Variants in THBS1 observed in about 807,000 individuals in gnomAD.
THBS1 encodes thrombospondin-1.
A neutral mutation model predicts 126.1 loss-of-function variants in THBS1; 29 were observed. The observed-to-expected ratio is 0.23, with a 90% confidence interval of 0.17 to 0.31. The LOEUF is 0.31. Among genes scored for constraint, THBS1 ranks in the 10% least tolerant of loss-of-function variants. The pLI, the probability that THBS1 is intolerant of heterozygous loss-of-function variation, is 1.00. For missense variants in THBS1, 1,198 were observed against 1,545.2 expected (o/e 0.78, Z 3.77); for synonymous variants, 496 against 577.8 (o/e 0.86, Z 2.03).
In THBS1 at chr15:39,589,360, G is replaced by A. The variant is rs376121997; in HGVS notation, c.1926+6G>A. 9.5e-5 allele frequency: 153 copies of A among 1,613,716 alleles called. No individual in the cohort carries two copies. The highest frequency in any genetic ancestry group is 1.3e-4 in the Non-Finnish European group (149 of 1,180,002). On this transcript the variant is annotated splice_donor_region_variant and intron_variant, in intron 12 of 21. Transcript: ENST00000260356. The surrounding 1 kb of genome is among the most constrained non-coding windows in gnomAD (Gnocchi z 4.7). ...ATGCCACGGCCAACAAACAGGTACA[G>A]TCAACTAGACGAGTAAACCAGAGGA...
At chr15:39,588,732 G>A (rs1196067285) in intron 10 of THBS1, 33 bp downstream of exon 10, 1 of 1,551,828 alleles carries the variant, frequency 6.4e-7, no homozygotes, top group Non-Finnish European at 8.7e-7. Context: ...AAACGACCCA[G>A]GAGCTTTGCT....
intron 6 of THBS1, among the ~76,000 whole-genome samples, 163 bp from the exon 7 acceptor site, chr15:39,585,307 T>A (rs1890189506): frequency 6.6e-6 from 1 of 152,180 alleles, no homozygotes. Context: ...TCTACGATAG[T>A]GGTGGCTGCA....
At chr15:39,587,811 A>C (rs1273825734) in intron 8 of THBS1, among the ~76,000 whole-genome samples, 2 of 152,222 alleles carry the variant, frequency 1.3e-5, no homozygotes, top group Non-Finnish European at 2.9e-5. Context: ...GCACCCTGTA[A>C]ATGTTAGGAT....
chr15:39,582,122 C>T, intron 2 of THBS1, 71 bp from the exon 3 acceptor site: 3 of 1,500,584 alleles, frequency 2.0e-6, no homozygotes, highest in Non-Finnish European at 2.7e-6. Context: ...TGTCTCCACC[C>T]CTAAGGACTC....
In THBS1 at chr15:39,597,281, T is replaced by TTTTTTTTTTTTTTTTTTTTTG. The variant is rs1890482853; in HGVS notation, c.*1913_*1933dup. 1.8e-5 allele frequency: 2 copies of TTTTTTTTTTTTTTTTTTTTTG among 111,222 alleles called. No individual in the cohort carries two copies. Among genetic ancestry groups the TTTTTTTTTTTTTTTTTTTTTG allele is most frequent in the African/African-American group, 4.8e-5 (1 of 20,754 alleles). The allele number at this position is 111,222 out of a possible 1,614,324, so 6.9% of individuals were successfully genotyped here. A position where few individuals can be genotyped will look rare whatever the true frequency, so the allele number is the denominator to read the frequency against. On this transcript the variant is annotated 3_prime_UTR_variant, in exon 22 of 22. Transcript: ENST00000260356. ...TTGGTTTTTTCTTTTTTTTGTTTTG[T>TTTTTTTTTTTTTTTTTTTTTG]TTTTTTTTTTTTTTTTTTTTGCTTT...
At position 39,584,163 on chromosome 15, in the gene THBS1, G is replaced by A. The variant is rs138472842; in HGVS notation, c.879G>A (p.Thr293=). ...ELRGLRTIVT[T]LQDSIRKVTE... is the part of the protein sequence containing the mutation. ...GGGGCCTGCGCACCATTGTGACCAC[G>A]CTGCAGGACAGCATCCGCAAAGTGG... The change falls in exon 5 of 22, where the codon ACG becomes ACA. Residue 293 remains threonine (T), a synonymous_variant. Transcript: ENST00000260356. The A allele has an allele frequency of 3.3e-5, 54 of 1,614,024 alleles. No individual in the cohort carries two copies. The highest frequency in any genetic ancestry group is 2.7e-4 in the African/African-American group (20 of 74,928).
chr15:39,585,230 A>C (rs1045963183), intron 6 of THBS1, among the ~76,000 whole-genome samples: 2 of 152,214 alleles, frequency 1.3e-5, no homozygotes, highest in African/African-American at 2.4e-5. Flanking sequence ...TCCACCCTTG[A>C]CTAAGTAGCA....
chr15:39,583,686 T>A lies in THBS1; in HGVS notation c.697T>A (p.Ser233Thr). Residue 233 changes from serine (S) to threonine (T), a missense_variant, in exon 4 of 22, where the codon TCC (serine) becomes ACC (threonine). Ser to Thr is a moderately conservative substitution (Grantham distance 58). Coordinates refer to ENST00000260356, the MANE Select transcript of THBS1 (RefSeq NM_003246.4). Reference protein sequence around the residue: ...PEDILRNKGCSSSTSVLLTLD... With the variant: ...PEDILRNKGCTSSTSVLLTLD... Reference sequence around the variant, plus strand: ...AGACATCCTCAGGAACAAAGGCTGCTCCAGCTGTGAGTACCCCTCTATTTT... The same window carrying A: ...AGACATCCTCAGGAACAAAGGCTGCACCAGCTGTGAGTACCCCTCTATTTT... 6.2e-7 allele frequency: 1 copy of A among 1,613,862 alleles called. No homozygotes were observed. The highest frequency in any genetic ancestry group is 1.3e-5 in the African/African-American group (1 of 74,990).
chr15:39,591,380 G>A (rs200138456), intron 15 of THBS1, 30 bp downstream of exon 15: 81 of 1,601,302 alleles, frequency 5.1e-5, no homozygotes, highest in Admixed American at 3.4e-4. Context: ...GAGGGCCCGC[G>A]GGAGACAGGG....
intron 9 of THBS1, 77 bp downstream of exon 9, chr15:39,588,295 C>T: frequency 6.6e-7 from 1 of 1,524,950 alleles, no homozygotes; most frequent in Non-Finnish European, 8.8e-7. Flanking sequence ...CTGCAGCCTG[C>T]AGTTCAGTGG....
intron 13 of THBS1, 140 bp downstream of exon 13, chr15:39,590,163 CT>C: frequency 1.2e-6 from 1 of 855,236 alleles, no homozygotes. Flanking sequence ...GCACTAATTC[CT>C]ATTAAAATTA....
In THBS1 at chr15:39,594,019, G is replaced by A; in HGVS notation, c.3268-80G>A. 7.0e-7 allele frequency: 1 copy of A among 1,427,720 alleles called. No individual in the cohort carries two copies. The highest frequency in any genetic ancestry group is 9.6e-7 in the Non-Finnish European group (1 of 1,045,318). 88.4% of individuals were successfully genotyped at this position (1,427,720 alleles called of 1,614,324 possible). On this transcript the variant is annotated intron_variant, in intron 19 of 21. Coordinates refer to ENST00000260356, the MANE Select transcript of THBS1 (RefSeq NM_003246.4). This position sits in a 1 kb window ranked among gnomAD's most constrained non-coding sequence, Gnocchi z 4.4. ...CTTAGATCAGCTCAGTACCTTTCAA[G>A]CATTGTTTCTGATGGAATGAAATAG...
chr15:39,588,252 G>A (rs1257377389), intron 9 of THBS1, 34 bp downstream of exon 9: 12 of 1,602,448 alleles, frequency 7.5e-6, no homozygotes, highest in East Asian at 4.5e-5. Flanking sequence ...GGTGAGCATG[G>A]GCAGCAGCTC....
chr15:39,582,575 C>T lies in THBS1; in HGVS notation c.450C>T (p.Thr150=), dbSNP rs1346275122. ...CTGTGGAAGAAGCTCTCCTGGCAACCGGCCAGTGGAAGAGCATCACCCTGT... is the reference window on the plus strand; with the variant it reads ...CTGTGGAAGAAGCTCTCCTGGCAACTGGCCAGTGGAAGAGCATCACCCTGT... ...VVSVEEALLA[T]GQWKSITLFV... The change falls in exon 3 of 22, where the codon ACC becomes ACT. Residue 150 remains threonine (T), a synonymous_variant. Transcript: ENST00000260356. 32 of 1,613,990 alleles carry T rather than the reference C, an allele frequency of 2.0e-5. No homozygotes were observed. The highest frequency in any genetic ancestry group is 1.5e-4 in the African/African-American group (11 of 74,928).
Position 39,588,631 on chromosome 15 carries a change from T to G in THBS1, c.1577T>G (p.Phe526Cys). ...SRLCNNPTPQ[F>C]GGKDCVGDVT... The stretch of plus-strand genomic sequence containing the variant: ...CTCTGCAACAACCCCACACCCCAGT[T>G]TGGAGGCAAGGACTGCGTTGGTGAT... Residue 526 changes from phenylalanine (F) to cysteine (C), a missense_variant, in exon 10 of 22, where the codon TTT becomes TGT. Physicochemically the swap from Phe to Cys is radical, Grantham distance 205. This residue lies in a region of THBS1 where 663 missense variants were observed against 860.1 expected (regional missense o/e 0.77). Coordinates refer to ENST00000260356, the MANE Select transcript of THBS1 (RefSeq NM_003246.4). 1.2e-6 allele frequency: 2 copies of G among 1,611,116 alleles called. No individual in the cohort carries two copies. The highest frequency in any genetic ancestry group is 1.7e-6 in the Non-Finnish European group (2 of 1,178,912).
Position 39,597,280 on chromosome 15 carries a change from G to GTTTTTTTTTTTTTTTTTTTTTGT in THBS1, c.*1933_*1934insTTTTTTTTTTTTTTTTTTTTTTG, listed in dbSNP as rs1890482131. 4.2e-5 allele frequency: 2 copies of GTTTTTTTTTTTTTTTTTTTTTGT among 48,044 alleles called. No homozygotes were observed. The highest frequency in any genetic ancestry group is 2.5e-4 in the Admixed American group (1 of 3,950). The allele number at this position is 48,044 out of a possible 1,614,324, so 3.0% of individuals were successfully genotyped here. A position where few individuals can be genotyped will look rare whatever the true frequency, so the allele number is the denominator to read the frequency against. Reference sequence around the variant, plus strand: ...GTTGGTTTTTTCTTTTTTTTGTTTTGTTTTTTTTTTTTTTTTTTTTTGCTT... The same window carrying GTTTTTTTTTTTTTTTTTTTTTGT: ...GTTGGTTTTTTCTTTTTTTTGTTTTGTTTTTTTTTTTTTTTTTTTTTGTTTTTTTTTTTTTTTTTTTTTTGCTT... On this transcript the variant is annotated 3_prime_UTR_variant, in exon 22 of 22. Transcript: ENST00000260356.
At position 39,590,527 on chromosome 15, in the gene THBS1, C is replaced by A. The variant is rs764875620; in HGVS notation, c.2157C>A (p.Pro719=). 6.2e-7 allele frequency: 1 copy of A among 1,613,240 alleles called. No individual in the cohort carries two copies. The highest frequency in any genetic ancestry group is 2.2e-5 in the East Asian group (1 of 44,808). ...CTTCTCTTTCCTAGGATAATTGCCC[C>A]AACCTTCCCAACTCAGGGCAGGAAG... is the stretch of plus-strand genomic sequence containing the variant. The part of the protein sequence containing the change: ...ATYHCKKDNC[P]NLPNSGQEDY... Residue 719 remains proline (P), a synonymous_variant, in exon 14 of 22, where the codon CCC becomes CCA. Coordinates refer to ENST00000260356, the MANE Select transcript of THBS1 (RefSeq NM_003246.4).
Position 39,582,238 on chromosome 15 carries a change from G to A in THBS1, c.113G>A (p.Gly38Glu), listed in dbSNP as rs1307854453. Reference sequence around the variant, plus strand: ...GTGTTTGACATCTTTGAACTCACCGGGGCCGCCCGCAAGGGGTCTGGGCGC... The same window carrying A: ...GTGTTTGACATCTTTGAACTCACCGAGGCCGCCCGCAAGGGGTCTGGGCGC... ...NSVFDIFELTGAARKGSGRRL... is the reference protein window; with the variant it reads ...NSVFDIFELTEAARKGSGRRL... The change falls in exon 3 of 22, where the codon GGG becomes GAG. Residue 38 changes from glycine to glutamate, a missense_variant. Gly to Glu is a moderately conservative substitution (Grantham distance 98). Transcript: ENST00000260356. The A allele has an allele frequency of 1.2e-6, 2 of 1,613,738 alleles. No homozygotes were observed. The highest frequency in any genetic ancestry group is 1.7e-6 in the Non-Finnish European group (2 of 1,179,864).
Position 39,595,934 on chromosome 15 carries a change from A to C in THBS1, c.*565A>C, listed in dbSNP as rs1362391265. On this transcript the variant is annotated 3_prime_UTR_variant, in exon 22 of 22. Coordinates refer to ENST00000260356, the MANE Select transcript of THBS1 (RefSeq NM_003246.4). Reference sequence around the variant, plus strand: ...CAGGGGATTGAAAGACTATTGCTGGATTTCATGATGCTGACTGGCGTTAGC... The same window carrying C: ...CAGGGGATTGAAAGACTATTGCTGGCTTTCATGATGCTGACTGGCGTTAGC... The C allele has an allele frequency of 4.5e-6, 2 of 447,834 alleles. No homozygotes were observed. The highest frequency in any genetic ancestry group is 9.0e-6 in the Non-Finnish European group (2 of 221,050). The allele number at this position is 447,834 out of a possible 1,614,324, so 27.7% of individuals were successfully genotyped here.
Sources: gnomAD v4.1 joint callset for allele counts (sites outside exome capture counted in the v4.1 genomes callset) on GRCh38, gnomAD v4.1.1 for gene constraint, gnomAD v4.1.1 regional missense constraint, Gnocchi (gnomAD v3.1) non-coding constraint, MANE v1.5 for transcripts, NCBI Gene and HGNC (gene_info 2026-07-23, HGNC 2026-07-21) for gene names.